The following COL15A1 variants were observed in gnomAD, a reference collection of about 807,000 sequenced individuals.
COL15A1 encodes the protein collagen type XV alpha 1 chain.
In COL15A1, 111 loss-of-function variants were observed where a neutral mutation model predicts 165.9. The ratio of observed to expected loss-of-function variants is 0.67; its 90% CI spans 0.57 to 0.78. COL15A1 has a LOEUF of 0.78. COL15A1 is among the 30% of genes least tolerant of loss of function. The pLI is 0.00. For missense variants in COL15A1, 1,745 were observed against 1,789.7 expected (o/e 0.98, Z 0.45); for synonymous variants, 659 against 674.8 (o/e 0.98, Z 0.36).
rs142561176 is a variant in COL15A1 at position 98,948,150 on chromosome 9, T to A, written c.100+3900T>A. Among the ~76,000 whole-genome samples the A allele has an allele frequency of 2.4e-3, 358 of 152,258 alleles. 3 individuals are homozygous for A. Among genetic ancestry groups the A allele is most frequent in the African/African-American group, 8.2e-3 (341 of 41,548 alleles). ...CATGCTGGCTGGGTACAGAAAGGAT[T>A]TGGGCACAGAGCTGCCCCAAAGGGG... On this transcript the variant is annotated intron_variant, in intron 2 of 41. Coordinates refer to ENST00000375001, the MANE Select transcript of COL15A1 (RefSeq NM_001855.5).
At chr9:98,955,871 T>A (rs1449178465) in intron 2 of COL15A1, among the ~76,000 whole-genome samples, 1 of 152,236 alleles carries the variant, frequency 6.6e-6, no homozygotes, top group Non-Finnish European at 1.5e-5. Context: ...GGCTAGCTAG[T>A]TCTGACTTGA....
chr9:98,962,660 GC>G (rs1025910551), intron 2 of COL15A1, among the ~76,000 whole-genome samples: 1 of 152,226 alleles, frequency 6.6e-6, no homozygotes, highest in African/African-American at 2.4e-5. Flanking sequence ...ATGACAGAGT[GC>G]TTTAGCAGAG....
intron 22 of COL15A1, among the ~76,000 whole-genome samples, chr9:99,040,193 T>C (rs188311760): frequency 9.8e-5 from 15 of 152,302 alleles, no homozygotes; most frequent in Non-Finnish European, 1.8e-4. Context: ...AGGTTTCTGA[T>C]ATTAGGTGGG....
chr9:99,036,412 G>A lies in COL15A1; in HGVS notation c.2409+16G>A. On this transcript the variant is annotated intron_variant, in intron 21 of 41. Coordinates refer to ENST00000375001, the MANE Select transcript of COL15A1 (RefSeq NM_001855.5). ...CTTGTCTAATGTGAGTATCATTCAG[G>A]TCAGAGCTTGTCTACATATTTTCCA... 1.9e-6 allele frequency: 3 copies of A among 1,612,590 alleles called. No individual in the cohort carries two copies. The highest frequency in any genetic ancestry group is 1.7e-5 in the Admixed American group (1 of 59,892).
chr9:99,033,175 C>T (rs1839236487), intron 16 of COL15A1, among the ~76,000 whole-genome samples: 1 of 152,056 alleles, frequency 6.6e-6, no homozygotes, highest in Admixed American at 6.6e-5. Flanking sequence ...GGCAGTAGCC[C>T]CTTCTGAGAC....
chr9:98,968,105 C>T (rs1435236998), intron 2 of COL15A1, among the ~76,000 whole-genome samples: 1 of 152,192 alleles, frequency 6.6e-6, no homozygotes, highest in East Asian at 1.9e-4. Flanking sequence ...CACTTGCTAG[C>T]TGTGTGACCT....
chr9:99,030,923 G>A (rs766787543), intron 16 of COL15A1, among the ~76,000 whole-genome samples: 25 of 152,194 alleles, frequency 1.6e-4, no homozygotes, highest in Non-Finnish European at 3.1e-4. Flanking sequence ...TAGCCTCTGG[G>A]TTAGGCTATA....
chr9:99,034,137 T>G (rs1264566199), intron 16 of COL15A1, among the ~76,000 whole-genome samples: 2 of 152,160 alleles, frequency 1.3e-5, no homozygotes, highest in Admixed American at 1.3e-4. Context: ...TCCAAAAGTC[T>G]AGGGGATACA....
At chr9:99,017,226 T>C (rs2118995484) in intron 11 of COL15A1, among the ~76,000 whole-genome samples, 1 of 152,312 alleles carries the variant, frequency 6.6e-6, no homozygotes, top group South Asian at 2.1e-4. Flanking sequence ...TTCACCACAT[T>C]CCTCTTCAGT....
chr9:99,069,805 G>A lies in COL15A1; in HGVS notation c.4086G>A (p.Leu1362=). The A allele has an allele frequency of 1.2e-6, 2 of 1,614,214 alleles. No homozygotes were observed. Among genetic ancestry groups the A allele is most frequent in the South Asian group, 1.1e-5 (1 of 91,080 alleles). Residue 1362 remains leucine (L), a synonymous_variant, in exon 42 of 42, where the codon CTG becomes CTA. Transcript: ENST00000375001. ...CCCCGCTGAGCACGGGGAAGATTCT[G>A]GACCAGAAAGCATACAGCTGTGCTA... is the stretch of plus-strand genomic sequence containing the variant. The part of the protein sequence containing the change: ...LASPLSTGKI[L]DQKAYSCANR...
intron 2 of COL15A1, among the ~76,000 whole-genome samples, chr9:98,978,308 C>A (rs900360945): frequency 6.6e-6 from 1 of 152,212 alleles, no homozygotes; most frequent in Non-Finnish European, 1.5e-5. Flanking sequence ...CTCTCAGGCC[C>A]TTCTCCCTGT....
In COL15A1 at chr9:99,022,074, C is replaced by T; in HGVS notation, c.1702-17C>T. ...AACAGAGTTCCAGCCGTTCACTGACCATTTTGTTCTCTTTAGGGTGATGCT... is the reference window on the plus strand; with the variant it reads ...AACAGAGTTCCAGCCGTTCACTGACTATTTTGTTCTCTTTAGGGTGATGCT... On this transcript the variant is annotated splice_polypyrimidine_tract_variant and intron_variant, in intron 12 of 41. Coordinates refer to ENST00000375001, the MANE Select transcript of COL15A1 (RefSeq NM_001855.5). 1 of 1,613,798 alleles carries T rather than the reference C, an allele frequency of 6.2e-7. No homozygotes were observed. The highest frequency in any genetic ancestry group is 8.5e-7 in the Non-Finnish European group (1 of 1,179,724).
intron 36 of COL15A1, 30 bp from the exon 37 acceptor site, chr9:99,061,941 G>T: frequency 1.2e-6 from 2 of 1,601,764 alleles, no homozygotes; most frequent in Non-Finnish European, 1.7e-6. Flanking sequence ...AATGATAATG[G>T]CAGTGTTTGG....
chr9:99,028,719 G>T (rs1839170321), intron 16 of COL15A1, among the ~76,000 whole-genome samples: 2 of 152,070 alleles, frequency 1.3e-5, no homozygotes, highest in Non-Finnish European at 2.9e-5. Flanking sequence ...AGGGATAAAA[G>T]AGTACAGATT....
At chr9:98,978,227 A>G (rs1838173882) in intron 2 of COL15A1, among the ~76,000 whole-genome samples, 1 of 152,214 alleles carries the variant, frequency 6.6e-6, no homozygotes, top group African/African-American at 2.4e-5. Context: ...GAATTGCCAC[A>G]TGCAAGCCTG....
In COL15A1 at chr9:99,015,458, A is replaced by C. The variant is rs776806733; in HGVS notation, c.1395A>C (p.Ala465=). 2 of 1,606,580 alleles carry C rather than the reference A, an allele frequency of 1.2e-6. No homozygotes were observed. Among genetic ancestry groups the C allele is most frequent in the Non-Finnish European group, 1.7e-6 (2 of 1,173,964 alleles). Residue 465 remains alanine, a synonymous_variant, in exon 10 of 42, where the codon GCA becomes GCC. Transcript: ENST00000375001. The part of the protein sequence containing the change: ...SEDSLTTAAA[A]TEVSLSTFED... ...ACAGTTTAACAACAGCTGCAGCTGCAACCGAAGTGTCCCTCAGTACTTTTG... is the reference window on the plus strand; with the variant it reads ...ACAGTTTAACAACAGCTGCAGCTGCCACCGAAGTGTCCCTCAGTACTTTTG...
chr9:99,051,533 C>T (rs1032582803), intron 30 of COL15A1, among the ~76,000 whole-genome samples: 4 of 152,192 alleles, frequency 2.6e-5, no homozygotes, highest in African/African-American at 7.2e-5. Flanking sequence ...TAATCATTTA[C>T]AGCTCATGTC....
intron 2 of COL15A1, among the ~76,000 whole-genome samples, chr9:98,949,815 T>G (rs999834221): frequency 6.6e-6 from 1 of 152,206 alleles, no homozygotes; most frequent in African/African-American, 2.4e-5. Flanking sequence ...AAAAGAAATA[T>G]CTATGCCCAT....
chr9:99,063,202 G>T, intron 39 of COL15A1, 93 bp downstream of exon 39: 1 of 1,351,538 alleles, frequency 7.4e-7, no homozygotes, highest in South Asian at 1.7e-5. Context: ...CTACCATCAT[G>T]ATACTTATAG....
Sources: gnomAD v4.1 joint callset for allele counts (sites outside exome capture counted in the v4.1 genomes callset) on GRCh38, gnomAD v4.1.1 for gene constraint, MANE v1.5 for transcripts, NCBI Gene and HGNC (gene_info 2026-07-23, HGNC 2026-07-21) for gene names.